The following LRRTM4 variants were observed in gnomAD, a reference collection of about 807,000 sequenced individuals.
LRRTM4 encodes the protein leucine rich repeat transmembrane neuronal 4.
Under a neutral mutation model 47.6 loss-of-function variants are expected in LRRTM4, and 25 were observed. The ratio of observed to expected loss-of-function variants is 0.53; its 90% CI spans 0.38 to 0.73. LRRTM4 has a LOEUF of 0.73. LRRTM4 is among the 30% of genes least tolerant of loss of function. LRRTM4 has a pLI of 0.00. For missense variants in LRRTM4, 638 were observed against 713.4 expected, an observed-to-expected ratio of 0.89 and a Z score of 1.20; for synonymous variants, 311 against 269.5, an observed-to-expected ratio of 1.15 and a Z score of -1.51.
At chr2:76,789,732 C>T (rs1674871349) in intron 3 of LRRTM4, among the ~76,000 whole-genome samples, 1 of 152,058 alleles carries the variant, frequency 6.6e-6, no homozygotes, top group Non-Finnish European at 1.5e-5. Context: ...AACCAAATTC[C>T]AGGTTTTCAA....
intron 3 of LRRTM4, among the ~76,000 whole-genome samples, chr2:77,140,630 C>G (rs1284348904): frequency 6.6e-6 from 1 of 152,090 alleles, no homozygotes; most frequent in Non-Finnish European, 1.5e-5. Context: ...CAAATGGGAT[C>G]TAATTAAACT....
At chr2:77,032,288 C>T (rs774685175) in intron 3 of LRRTM4, among the ~76,000 whole-genome samples, 17 of 152,112 alleles carry the variant, frequency 1.1e-4, no homozygotes, top group Non-Finnish European at 2.2e-4. Context: ...GCTCAATTTT[C>T]ATTATATCAG....
chr2:77,113,282 G>A (rs1671299581), intron 3 of LRRTM4, among the ~76,000 whole-genome samples: 2 of 152,056 alleles, frequency 1.3e-5, no homozygotes, highest in Admixed American at 6.5e-5. Context: ...TTGCCAAAAG[G>A]TCCCAGTCTA....
At chr2:77,039,461 A>G (rs1050517162) in intron 3 of LRRTM4, among the ~76,000 whole-genome samples, 1 of 151,172 alleles carries the variant, frequency 6.6e-6, no homozygotes, top group African/African-American at 2.4e-5. Context: ...ATCTCTTACT[A>G]ATCTGTCATC....
intron 3 of LRRTM4, among the ~76,000 whole-genome samples, chr2:77,297,761 T>C (rs2104151509): frequency 6.6e-6 from 1 of 152,304 alleles, no homozygotes; most frequent in African/African-American, 2.4e-5. Context: ...AGTCAATTAA[T>C]AATGATATAA....
At chr2:77,245,372 C>T (rs1675411940) in intron 3 of LRRTM4, among the ~76,000 whole-genome samples, 2 of 151,332 alleles carry the variant, frequency 1.3e-5, no homozygotes, top group South Asian at 2.1e-4. Flanking sequence ...AATAGTGAAA[C>T]CTCATCTCTA....
intron 3 of LRRTM4, among the ~76,000 whole-genome samples, chr2:76,812,313 T>C (rs937809691): frequency 6.6e-6 from 1 of 152,166 alleles, no homozygotes; most frequent in Admixed American, 6.5e-5. Context: ...CCTGGCACTA[T>C]AGAAGAACTG....
intron 3 of LRRTM4, among the ~76,000 whole-genome samples, chr2:77,203,051 C>T (rs567468627): frequency 4.9e-4 from 75 of 151,938 alleles, no homozygotes; most frequent in Non-Finnish European, 9.3e-4. Flanking sequence ...GATAATTTTG[C>T]AAAAGATCTT....
chr2:77,477,091 T>C (rs1240376315), intron 3 of LRRTM4, among the ~76,000 whole-genome samples: 1 of 151,980 alleles, frequency 6.6e-6, no homozygotes, highest in Non-Finnish European at 1.5e-5. Flanking sequence ...AGGAGGAATG[T>C]GGCTGAGAGC....
At chr2:76,940,354 G>C (rs1428870478) in intron 3 of LRRTM4, among the ~76,000 whole-genome samples, 2 of 152,136 alleles carry the variant, frequency 1.3e-5, no homozygotes, top group African/African-American at 2.4e-5. Context: ...GAGAGAGCTA[G>C]AGGCCACTAT....
chr2:76,782,656 T>G (rs1314090485), intron 3 of LRRTM4, among the ~76,000 whole-genome samples: 2 of 152,230 alleles, frequency 1.3e-5, no homozygotes, highest in East Asian at 3.9e-4. Context: ...GCTTACATTT[T>G]GATACCTGTT....
intron 3 of LRRTM4, among the ~76,000 whole-genome samples, chr2:77,056,901 T>G (rs1356377243): frequency 6.6e-6 from 1 of 152,198 alleles, no homozygotes; most frequent in Non-Finnish European, 1.5e-5. Flanking sequence ...AGCCCAAGAT[T>G]TTTTCATACA....
intron 3 of LRRTM4, among the ~76,000 whole-genome samples, chr2:77,464,081 CA>C (rs1243846743): frequency 4.6e-5 from 7 of 152,078 alleles, no homozygotes; most frequent in South Asian, 4.1e-4. Context: ...CTAGTAAGAC[CA>C]TCAGGTAATT....
At chr2:77,212,630 A>T (rs1298107110) in intron 3 of LRRTM4, among the ~76,000 whole-genome samples, 1 of 151,532 alleles carries the variant, frequency 6.6e-6, no homozygotes, top group East Asian at 1.9e-4. Context: ...AATTTAGATG[A>T]ACTGTCTTAC....
At position 76,800,760 on chromosome 2, in the gene LRRTM4, AAAAAC is replaced by A. The variant is rs537366182; in HGVS notation, c.1552-51849_1552-51845del. Among the ~76,000 whole-genome samples, 1,124 of 138,968 alleles carry A rather than the reference AAAAAC, an allele frequency of 8.1e-3. 29 individuals carry two copies. Among genetic ancestry groups the A allele is most frequent in the African/African-American group, 0.029 (1,040 of 35,600 alleles). The allele number at this position is 138,968 out of a possible 152,430, so 91.2% of individuals were successfully genotyped here. ...ATGAACTCAAACAAATTTACAAGAA[AAAAAC>A]AAACAACCCCATCAAAAAGTGGGCG... is the stretch of plus-strand genomic sequence containing the variant. On this transcript the variant is annotated intron_variant, in intron 3 of 3. Coordinates refer to ENST00000409884, the MANE Select transcript of LRRTM4 (RefSeq NM_001134745.3).
chr2:76,766,522 T>C (rs1485109469), intron 3 of LRRTM4, among the ~76,000 whole-genome samples: 1 of 152,216 alleles, frequency 6.6e-6, no homozygotes, highest in Admixed American at 6.5e-5. Context: ...TAACTGCCCT[T>C]CTCTGCCCTG....
At chr2:77,357,679 C>CTT (rs1300639383) in intron 3 of LRRTM4, among the ~76,000 whole-genome samples, 5 of 152,124 alleles carry the variant, frequency 3.3e-5, no homozygotes, top group African/African-American at 1.2e-4. Flanking sequence ...TTAACTAAAA[C>CTT]TTTTATAAAT....
At chr2:76,869,457 G>A (rs1206655435) in intron 3 of LRRTM4, among the ~76,000 whole-genome samples, 1 of 152,100 alleles carries the variant, frequency 6.6e-6, no homozygotes, top group Non-Finnish European at 1.5e-5. Context: ...ACTGATAAAT[G>A]CAGACTGGCA....
chr2:76,824,311 T>C (rs1671133536), intron 3 of LRRTM4, among the ~76,000 whole-genome samples: 1 of 151,562 alleles, frequency 6.6e-6, no homozygotes, highest in South Asian at 2.1e-4. Flanking sequence ...TATAATTTGC[T>C]TGGTTCACTC....
Sources: gnomAD v4.1 joint callset for allele counts (sites outside exome capture counted in the v4.1 genomes callset) on GRCh38, gnomAD v4.1.1 for gene constraint, MANE v1.5 for transcripts, NCBI Gene and HGNC (gene_info 2026-07-23, HGNC 2026-07-21) for gene names.